RTTN: variants seen among roughly 807,000 people sequenced by gnomAD.
RTTN encodes the protein rotatin.
In RTTN, 182 loss-of-function variants were observed where a neutral mutation model predicts 269.2. That is an observed-to-expected ratio of 0.68 (90% CI 0.60 to 0.76). The LOEUF is 0.76. Ranked by LOEUF, RTTN falls within the 30% of genes least tolerant of loss-of-function variation. The pLI is 0.00. For synonymous variants in RTTN, 1,006 were observed against 963.5 expected, an observed-to-expected ratio of 1.04 and a Z score of -0.82; for missense variants, 2,545 against 2,608.6, an observed-to-expected ratio of 0.98 and a Z score of 0.53.
At chr18:70,095,387 A>G (rs112143308) in intron 28 of RTTN, among the ~76,000 whole-genome samples, 7 of 152,260 alleles carry the variant, frequency 4.6e-5, no homozygotes, top group African/African-American at 1.7e-4. Flanking sequence ...CAGTTTCTTC[A>G]TAGCATCAAT....
intron 22 of RTTN, 89 bp downstream of exon 22, chr18:70,135,095 C>T (rs2060092310): frequency 4.1e-6 from 3 of 725,748 alleles, no homozygotes; most frequent in Non-Finnish European, 6.8e-6. Context: ...CTTCGTAAAT[C>T]AGAAATTTCC....
At chr18:70,020,328 G>A (rs865857555) in intron 45 of RTTN, among the ~76,000 whole-genome samples, 9 of 152,100 alleles carry the variant, frequency 5.9e-5, no homozygotes, top group South Asian at 2.1e-4. Context: ...AATGTAAGAC[G>A]GCTATCTTTC....
intron 18 of RTTN, among the ~76,000 whole-genome samples, chr18:70,143,728 G>C (rs780044678): frequency 6.6e-5 from 10 of 151,894 alleles, no homozygotes; most frequent in South Asian, 2.1e-4. Flanking sequence ...AACCCGCACA[G>C]GTACCCCTGA....
At chr18:70,034,898 A>G (rs2057124315) in intron 40 of RTTN, among the ~76,000 whole-genome samples, 1 of 152,222 alleles carries the variant, frequency 6.6e-6, no homozygotes, top group Non-Finnish European at 1.5e-5. Flanking sequence ...CTATATACCA[A>G]CAATCAAGCC....
chr18:70,145,030 C>T (rs2060352964), intron 18 of RTTN, among the ~76,000 whole-genome samples: 1 of 152,172 alleles, frequency 6.6e-6, no homozygotes, highest in Admixed American at 6.5e-5. Context: ...CAGCCGCTGC[C>T]CATTGCTGCC....
chr18:70,065,431 G>T (rs1227663248), intron 35 of RTTN, among the ~76,000 whole-genome samples: 1 of 152,092 alleles, frequency 6.6e-6, no homozygotes, highest in African/African-American at 2.4e-5. Flanking sequence ...TACATTTTAT[G>T]TGCCTTTAAA....
At position 70,190,613 on chromosome 18, in the gene RTTN, G is replaced by T. The variant is rs1176155751; in HGVS notation, c.1114C>A (p.Leu372Ile). 1.9e-6 allele frequency: 3 copies of T among 1,613,680 alleles called. No homozygotes were observed. The highest frequency in any genetic ancestry group is 2.5e-6 in the Non-Finnish European group (3 of 1,179,576). ...PELETEDTLE[L>I]QFQQLSLPQF... The stretch of plus-strand genomic sequence containing the variant: ...GGAAGACTGAGCTGCTGGAATTGTA[G>T]TTCCAATGTGTCTTCAGTTTCCAGC... The change falls in exon 9 of 49, where the codon CTA becomes ATA. Residue 372 changes from leucine (L) to isoleucine (I), a missense_variant. Leu to Ile is a conservative substitution (Grantham distance 5). Transcript: ENST00000640769.
chr18:70,094,316 C>T (rs1293688050), intron 28 of RTTN, among the ~76,000 whole-genome samples: 3 of 151,960 alleles, frequency 2.0e-5, no homozygotes, highest in African/African-American at 7.3e-5. Context: ...CTGCTCTGAT[C>T]TTAGTTATTT....
At chr18:70,014,896 A>G (rs952412053) in intron 46 of RTTN, among the ~76,000 whole-genome samples, 1 of 152,170 alleles carries the variant, frequency 6.6e-6, no homozygotes, top group African/African-American at 2.4e-5. Flanking sequence ...TTGGGGCAAA[A>G]TAATTTTCTA....
At chr18:70,110,710 A>G (rs763866861) in intron 27 of RTTN, among the ~76,000 whole-genome samples, 1 of 152,202 alleles carries the variant, frequency 6.6e-6, no homozygotes, top group East Asian at 1.9e-4. Context: ...GCGAGACAGA[A>G]GTGTTCACTC....
rs1454423080 is a variant in RTTN, at chr18:70,057,784, G to A, written c.4989C>T (p.Ala1663=). 4 of 1,613,700 alleles carry A rather than the reference G, an allele frequency of 2.5e-6. No homozygotes were observed. Among genetic ancestry groups the A allele is most frequent in the African/African-American group, 2.7e-5 (2 of 74,904 alleles). Residue 1663 remains alanine (A), a synonymous_variant, in exon 37 of 49, where the codon GCC becomes GCT. Coordinates refer to ENST00000640769, the MANE Select transcript of RTTN (RefSeq NM_173630.4). Reference sequence around the variant, plus strand: ...CAGCTGGAGGTGATGAAGGCAGCAGGGCTCTGAGTTCCTGGACACATGTCT... The same window carrying A: ...CAGCTGGAGGTGATGAAGGCAGCAGAGCTCTGAGTTCCTGGACACATGTCT... The part of the protein sequence containing the change: ...LIQTCVQELR[A]LLPSSPPAEH...
intron 42 of RTTN, among the ~76,000 whole-genome samples, chr18:70,029,240 C>T (rs2056943490): frequency 1.3e-5 from 2 of 150,842 alleles, no homozygotes; most frequent in Non-Finnish European, 3.0e-5. Flanking sequence ...AAGACTTTGT[C>T]TTGGTTTCTT....
intron 32 of RTTN, among the ~76,000 whole-genome samples, chr18:70,085,335 G>T (rs573081801): frequency 1.3e-5 from 2 of 152,198 alleles, no homozygotes; most frequent in South Asian, 2.1e-4. Flanking sequence ...ATGACTGGTA[G>T]GGTTACCCTG....
In RTTN at chr18:70,054,224, C is replaced by A. The variant is rs756353809; in HGVS notation, c.5092G>T (p.Val1698Leu). The change falls in exon 38 of 49, where the codon GTG (valine) becomes TTG (leucine). Residue 1698 changes from valine to leucine, a missense_variant. Physicochemically the swap from Val to Leu is conservative, Grantham distance 32 (BLOSUM62 1). Transcript: ENST00000640769. ...LSRLLQSCLL[V>L]EPDLVIQDEL... ...TCCTGAATCACAAGGTCAGGCTCCACCAATAAACATGACTGCAGAAGCCTG... is the reference window on the plus strand; with the variant it reads ...TCCTGAATCACAAGGTCAGGCTCCAACAATAAACATGACTGCAGAAGCCTG... 3.7e-6 allele frequency: 6 copies of A among 1,613,680 alleles called. No individual in the cohort carries two copies. The African/African-American group carries it at 8.0e-5, about 22-fold the overall frequency.
intron 28 of RTTN, among the ~76,000 whole-genome samples, chr18:70,103,967 T>C (rs1205593021): frequency 6.6e-6 from 1 of 152,036 alleles, no homozygotes; most frequent in Non-Finnish European, 1.5e-5. Flanking sequence ...TTATGTGCCT[T>C]GGAGTTGCTC....
At chr18:70,167,828 A>C (rs944798554) in intron 12 of RTTN, among the ~76,000 whole-genome samples, 5 of 152,168 alleles carry the variant, frequency 3.3e-5, no homozygotes, top group Non-Finnish European at 5.9e-5. Context: ...AACAAACTAC[A>C]GTGGTAAGTA....
chr18:70,187,842 T>C (rs1378663779), intron 10 of RTTN, among the ~76,000 whole-genome samples: 4 of 152,166 alleles, frequency 2.6e-5, no homozygotes, highest in Non-Finnish European at 5.9e-5. Flanking sequence ...TCCTAATTGT[T>C]CCTGAAAGAA....
intron 14 of RTTN, among the ~76,000 whole-genome samples, chr18:70,159,948 C>T (rs921705693): frequency 6.6e-6 from 1 of 151,808 alleles, no homozygotes; most frequent in Non-Finnish European, 1.5e-5. Flanking sequence ...TAAAAAAAGC[C>T]TACCAACCAG....
intron 25 of RTTN, among the ~76,000 whole-genome samples, chr18:70,126,196 G>A (rs991138800): frequency 1.3e-5 from 2 of 152,058 alleles, no homozygotes; most frequent in African/African-American, 2.4e-5. Context: ...CACAGTTTGA[G>A]AGTCTTTCCT....
Sources: gnomAD v4.1 joint callset for allele counts (sites outside exome capture counted in the v4.1 genomes callset) on GRCh38, gnomAD v4.1.1 for gene constraint, MANE v1.5 for transcripts, NCBI Gene and HGNC (gene_info 2026-07-23, HGNC 2026-07-21) for gene names.